The following ALPI variants were observed in gnomAD, a reference collection of about 807,000 sequenced individuals.
ALPI encodes the protein alkaline phosphatase, intestinal, also known as intestinal-type alkaline phosphatase.
A neutral mutation model predicts 51.5 loss-of-function variants in ALPI; 50 were observed. The ratio of observed to expected loss-of-function variants is 0.97; its 90% CI spans 0.77 to 1.23. ALPI has a LOEUF of 1.23. ALPI is among the 50% of genes most tolerant of loss of function. The probability of loss-of-function intolerance (pLI) is 0.00; values close to 1 mark genes in which losing one functional copy is unlikely to be tolerated. For synonymous variants in ALPI, 322 were observed against 308.2 expected, an observed-to-expected ratio of 1.04 and a Z score of -0.47; for missense variants, 692 against 722.4, an observed-to-expected ratio of 0.96 and a Z score of 0.48.
Position 232,459,536 on chromosome 2 carries a change from T to TC in ALPI, c.*395dup, listed in dbSNP as rs1365243012. ...CCAAGCAGGCCTGGACCCAGAGACG[T>TC]CCCCCATCGTGGGACACGACACACC... On this transcript the variant is annotated 3_prime_UTR_variant, in exon 11 of 11. Coordinates refer to ENST00000295463, the MANE Select transcript of ALPI (RefSeq NM_001631.5). The TC allele has an allele frequency of 1.5e-5, 3 of 205,172 alleles. No individual in the cohort carries two copies. The highest frequency in any genetic ancestry group is 4.7e-5 in the African/African-American group (2 of 42,634). The allele number at this position is 205,172 out of a possible 1,614,324, so 12.7% of individuals were successfully genotyped here. A position where few individuals can be genotyped will look rare whatever the true frequency, so the allele number is the denominator to read the frequency against.
rs1041843049 is a variant in ALPI at position 232,460,414 on chromosome 2, C to A, written c.*1268C>A. On this transcript the variant is annotated 3_prime_UTR_variant, in exon 11 of 11. Coordinates refer to ENST00000295463, the MANE Select transcript of ALPI (RefSeq NM_001631.5). ...CTCTGGCTGCTGCCAGGAGAAGGGT[C>A]TGGTCTTTTGGGCAGAGGGTGGGGG... Among the ~76,000 whole-genome samples, 1 of 151,212 alleles carries A rather than the reference C, an allele frequency of 6.6e-6. No homozygotes were observed. Among genetic ancestry groups the A allele is most frequent in the Non-Finnish European group, 1.5e-5 (1 of 67,914 alleles).
At position 232,456,377 on chromosome 2, in the gene ALPI, C is replaced by T. The variant is rs1202648931; in HGVS notation, c.96C>T (p.Asn32=). ...PAEEENPAFW[N]RQAAEALDAA... is the part of the protein sequence containing the mutation. ...AGGAGGAGAACCCGGCCTTCTGGAA[C>T]CGCCAGGCAGCTGAGGCCCTGGATG... Residue 32 remains asparagine, a synonymous_variant, in exon 2 of 11, where the codon AAC becomes AAT. Transcript: ENST00000295463. The surrounding 1 kb of genome is among the most constrained non-coding windows in gnomAD (Gnocchi z 4.2). 2 of 1,613,916 alleles carry T rather than the reference C, an allele frequency of 1.2e-6. No individual in the cohort carries two copies. Among genetic ancestry groups the T allele is most frequent in the Admixed American group, 1.7e-5 (1 of 59,996 alleles).
In ALPI at chr2:232,459,112, C is replaced by T; in HGVS notation, c.1553C>T (p.Thr518Ile). The T allele has an allele frequency of 6.5e-7, 1 of 1,537,306 alleles. No homozygotes were observed. The highest frequency in any genetic ancestry group is 2.4e-5 in the East Asian group (1 of 40,868). Residue 518 changes from threonine to isoleucine, a missense_variant, in exon 11 of 11, where the codon ACC (threonine) becomes ATC (isoleucine). By Grantham distance (89) the Thr-to-Ile change is moderately conservative. Coordinates refer to ENST00000295463, the MANE Select transcript of ALPI (RefSeq NM_001631.5). Reference protein sequence around the residue: ...VAASLPLLAGTLLLLGASAAP With the variant: ...VAASLPLLAGILLLLGASAAP ...GCGTCGCTGCCACTGCTGGCCGGGA[C>T]CCTGCTGCTGCTGGGGGCGTCCGCT...
In ALPI at chr2:232,458,992, C is replaced by T; in HGVS notation, c.1433C>T (p.Ala478Val). 1 of 1,580,394 alleles carries T rather than the reference C, an allele frequency of 6.3e-7. No individual in the cohort carries two copies. The highest frequency in any genetic ancestry group is 8.6e-7 in the Non-Finnish European group (1 of 1,163,660). The part of the protein sequence containing the change: ...VHGVQEQSFV[A>V]HVMAFAACLE... Reference sequence around the variant, plus strand: ...GGTGTGCAGGAGCAGAGCTTCGTAGCGCATGTCATGGCCTTCGCTGCCTGT... The same window carrying T: ...GGTGTGCAGGAGCAGAGCTTCGTAGTGCATGTCATGGCCTTCGCTGCCTGT... Residue 478 changes from alanine (A) to valine (V), a missense_variant, in exon 11 of 11, where the codon GCG becomes GTG. By Grantham distance (64) the Ala-to-Val change is moderately conservative. Transcript: ENST00000295463.
chr2:232,458,191 A>G (rs1404270518), intron 8 of ALPI, 26 bp from the exon 9 acceptor site: 1 of 1,613,608 alleles, frequency 6.2e-7, no homozygotes, highest in African/African-American at 1.3e-5. Context: ...AGGTTCAAGC[A>G]TCACCCCCCT....
chr2:232,458,804 T>A, intron 10 of ALPI, 56 bp downstream of exon 10: 2 of 1,610,212 alleles, frequency 1.2e-6, no homozygotes, highest in Non-Finnish European at 1.7e-6. Flanking sequence ...GATGGGGGCA[T>A]TCGCGGGAGG....
At position 232,458,012 on chromosome 2, in the gene ALPI, G is replaced by A. The variant is rs772650316; in HGVS notation, c.871G>A (p.Gly291Arg). 24 of 1,613,314 alleles carry A rather than the reference G, an allele frequency of 1.5e-5. No individual in the cohort carries two copies. Among genetic ancestry groups the A allele is most frequent in the South Asian group, 1.4e-4 (13 of 91,008 alleles). ...VTHLMGLFEP[G>R]DTKYEIHRDP... ...TTGTCCCACAGGCCTCTTTGAGCCC[G>A]GAGACACGAAATATGAGATCCACCG... The change falls in exon 8 of 11, where the codon GGA (glycine) becomes AGA (arginine). Residue 291 changes from glycine to arginine, a missense_variant. Physicochemically the swap from Gly to Arg is moderately radical, Grantham distance 125. Transcript: ENST00000295463.
intron 8 of ALPI, 22 bp from the exon 9 acceptor site, chr2:232,458,195 C>T (rs771260513): frequency 6.2e-7 from 1 of 1,612,996 alleles, no homozygotes; most frequent in East Asian, 2.2e-5. Flanking sequence ...TCAAGCATCA[C>T]CCCCCTCTGG....
chr2:232,459,213 C>T lies in ALPI; in HGVS notation c.*67C>T, dbSNP rs1690267606. 6.8e-7 allele frequency: 1 copy of T among 1,477,458 alleles called. No individual in the cohort carries two copies. 91.5% of individuals were successfully genotyped at this position (1,477,458 alleles called of 1,614,324 possible). ...TCCTGCCCTGTTCCCCGTCCTGAGC[C>T]GCCACTTCCAGCGAACACACACAGG... On this transcript the variant is annotated 3_prime_UTR_variant, in exon 11 of 11. Coordinates refer to ENST00000295463, the MANE Select transcript of ALPI (RefSeq NM_001631.5).
Position 232,458,299 on chromosome 2 carries a change from G to A in ALPI, c.1074G>A (p.Glu358=), listed in dbSNP as rs1418894382. The part of the protein sequence containing the change: ...TEAVMFDDAI[E]RAGQLTSEED... Reference sequence around the variant, plus strand: ...CGGTCATGTTCGACGACGCCATTGAGAGGGCGGGCCAGCTCACCAGCGAGG... The same window carrying A: ...CGGTCATGTTCGACGACGCCATTGAAAGGGCGGGCCAGCTCACCAGCGAGG... Residue 358 remains glutamate (E), a synonymous_variant, in exon 9 of 11, where the codon GAG becomes GAA. Transcript: ENST00000295463. 2 of 1,614,078 alleles carry A rather than the reference G, an allele frequency of 1.2e-6. No individual in the cohort carries two copies. The highest frequency in any genetic ancestry group is 1.7e-6 in the Non-Finnish European group (2 of 1,180,052).
In ALPI at chr2:232,459,440, G is replaced by T. The variant is rs1690271264; in HGVS notation, c.*294G>T. ...AGAGACTGCAGATTTGTGCCATGCG[G>T]CTGCCTGCACCCCAGACAATAAAGG... On this transcript the variant is annotated 3_prime_UTR_variant, in exon 11 of 11. Coordinates refer to ENST00000295463, the MANE Select transcript of ALPI (RefSeq NM_001631.5). The T allele has an allele frequency of 9.4e-6, 4 of 424,322 alleles. No individual in the cohort carries two copies. In the South Asian group the frequency reaches 1.2e-4, roughly 13 times the overall value. 26.3% of individuals were successfully genotyped at this position (424,322 alleles called of 1,614,324 possible).
rs1690200283 is a variant in ALPI at position 232,456,779 on chromosome 2, A to G, written c.300+84A>G. 1.3e-6 allele frequency: 2 copies of G among 1,544,270 alleles called. No individual in the cohort carries two copies. On this transcript the variant is annotated intron_variant, in intron 3 of 10. Coordinates refer to ENST00000295463, the MANE Select transcript of ALPI (RefSeq NM_001631.5). This position sits in a 1 kb window ranked among gnomAD's most constrained non-coding sequence, Gnocchi z 4.2. ...GTGTGGCAGGAGGGAGGGAGCCAGG[A>G]CAGCTGGGGCCTAAGTTAGGAGCTG...
At position 232,460,693 on chromosome 2, in the gene ALPI, A is replaced by T. The variant is rs1690293339; in HGVS notation, c.*1547A>T. On this transcript the variant is annotated 3_prime_UTR_variant, in exon 11 of 11. Coordinates refer to ENST00000295463, the MANE Select transcript of ALPI (RefSeq NM_001631.5). ...TGCTTTTGCAAGAAATAGTAACATC[A>T]TTCAATATGCTTTCTTATTTACTAA... Among the ~76,000 whole-genome samples, 1 of 152,250 alleles carries T rather than the reference A, an allele frequency of 6.6e-6. No individual in the cohort carries two copies. Among genetic ancestry groups the T allele is most frequent in the African/African-American group, 2.4e-5 (1 of 41,468 alleles).
At position 232,458,291 on chromosome 2, in the gene ALPI, G is replaced by A. The variant is rs1413537643; in HGVS notation, c.1066G>A (p.Ala356Thr). The A allele has an allele frequency of 3.7e-6, 6 of 1,614,148 alleles. No individual in the cohort carries two copies. Among genetic ancestry groups the A allele is most frequent in the Non-Finnish European group, 4.2e-6 (5 of 1,180,036 alleles). Reference sequence around the variant, plus strand: ...CACTGAGGCGGTCATGTTCGACGACGCCATTGAGAGGGCGGGCCAGCTCAC... The same window carrying A: ...CACTGAGGCGGTCATGTTCGACGACACCATTGAGAGGGCGGGCCAGCTCAC... ...ALTEAVMFDD[A>T]IERAGQLTSE... Residue 356 changes from alanine to threonine, a missense_variant, in exon 9 of 11, where the codon GCC (alanine) becomes ACC (threonine). Physicochemically the swap from Ala to Thr is moderately conservative, Grantham distance 58 (BLOSUM62 0). Coordinates refer to ENST00000295463, the MANE Select transcript of ALPI (RefSeq NM_001631.5).
Position 232,456,701 on chromosome 2 carries a change from G to C in ALPI, c.300+6G>C. The C allele has an allele frequency of 6.3e-7, 1 of 1,592,552 alleles. No homozygotes were observed. Among genetic ancestry groups the C allele is most frequent in the Non-Finnish European group, 8.6e-7 (1 of 1,169,280 alleles). On this transcript the variant is annotated splice_donor_region_variant and intron_variant, in intron 3 of 10. Coordinates refer to ENST00000295463, the MANE Select transcript of ALPI (RefSeq NM_001631.5). This position sits in a 1 kb window ranked among gnomAD's most constrained non-coding sequence, Gnocchi z 4.2. ...CATACCTGGCTCTGTCCAAGGTAAG[G>C]GCTGGGCCACCTCAGAGTCCTCCAA...
rs760425367 is a variant in ALPI, at chr2:232,458,324, G to A, written c.1099G>A (p.Glu367Lys). ...IERAGQLTSE[E>K]DTLTLVTADH... ...GAGGGCGGGCCAGCTCACCAGCGAG[G>A]AGGACACGCTGACCCTCGTCACCGC... The change falls in exon 9 of 11, where the codon GAG (glutamate) becomes AAG (lysine). Residue 367 changes from glutamate (E) to lysine (K), a missense_variant. Physicochemically the swap from Glu to Lys is moderately conservative, Grantham distance 56. Coordinates refer to ENST00000295463, the MANE Select transcript of ALPI (RefSeq NM_001631.5). 40 of 1,614,042 alleles carry A rather than the reference G, an allele frequency of 2.5e-5. No homozygotes were observed. Among genetic ancestry groups the A allele is most frequent in the Non-Finnish European group, 3.3e-5 (39 of 1,180,040 alleles).
intron 9 of ALPI, 29 bp from the exon 10 acceptor site, chr2:232,458,603 C>T (rs762546107): frequency 4.4e-6 from 7 of 1,607,054 alleles, no homozygotes; most frequent in Non-Finnish European, 6.0e-6. Flanking sequence ...GTGGTCAGCT[C>T]AACTACAGGG....
In ALPI at chr2:232,458,710, A is replaced by C; in HGVS notation, c.1262A>C (p.Asn421Thr). The C allele has an allele frequency of 6.2e-7, 1 of 1,613,942 alleles. No individual in the cohort carries two copies. Among genetic ancestry groups the C allele is most frequent in the South Asian group, 1.1e-5 (1 of 91,078 alleles). The part of the protein sequence containing the change: ...LYGNGPGYVF[N>T]SGVRPDVNES... ...GGCAATGGCCCGGGCTACGTGTTCA[A>C]CTCAGGCGTGCGACCAGACGTGAAT... Residue 421 changes from asparagine (N) to threonine (T), a missense_variant, in exon 10 of 11, where the codon AAC becomes ACC. Asn to Thr is a moderately conservative substitution (Grantham distance 65, BLOSUM62 0). Transcript: ENST00000295463.
chr2:232,457,878 C>T lies in ALPI; in HGVS notation c.856+11C>T. The T allele has an allele frequency of 6.2e-7, 1 of 1,613,730 alleles. No individual in the cohort carries two copies. The highest frequency in any genetic ancestry group is 8.5e-7 in the Non-Finnish European group (1 of 1,179,812). The stretch of plus-strand genomic sequence containing the variant: ...TGACCCATCTCATGGGTAATGACCC[C>T]CTTCCTGCCCTGGCATTCCTCAGAC... On this transcript the variant is annotated intron_variant, in intron 7 of 10. Transcript: ENST00000295463. This position sits in a 1 kb window ranked among gnomAD's most constrained non-coding sequence, Gnocchi z 4.7.
Sources: gnomAD v4.1 joint callset for allele counts (sites outside exome capture counted in the v4.1 genomes callset) on GRCh38, gnomAD v4.1.1 for gene constraint, Gnocchi (gnomAD v3.1) non-coding constraint, MANE v1.5 for transcripts, NCBI Gene and HGNC (gene_info 2026-07-23, HGNC 2026-07-21) for gene names.